Variants in RYR3 observed in about 807,000 individuals in gnomAD.
The protein encoded by RYR3 is brain ryanodine receptor-calcium release channel.
RYR3 carries 207 observed loss-of-function variants against 584.3 expected under a neutral mutation model. The observed-to-expected ratio is 0.35, with a 90% CI of 0.32 to 0.40. The LOEUF (loss-of-function observed/expected upper bound fraction) is 0.40, where lower values mean the gene tolerates loss of function less well. Among genes scored for constraint, RYR3 ranks in the 10% least tolerant of loss-of-function variants. The pLI, the probability that RYR3 is intolerant of heterozygous loss-of-function variation, is 1.00. For missense variants in RYR3, 5,616 were observed against 6,089.2 expected (o/e 0.92, Z 2.59); for synonymous variants, 2,416 against 2,248.5 (o/e 1.07, Z -2.11).
intron 57 of RYR3, among the ~76,000 whole-genome samples, chr15:33,754,590 C>T (rs756215721): frequency 2.6e-5 from 4 of 152,196 alleles, no homozygotes; most frequent in Non-Finnish European, 5.9e-5. Flanking sequence ...CTATTTAACA[C>T]TACAGTCTGC....
At chr15:33,691,742 G>A (rs892640826) in intron 38 of RYR3, among the ~76,000 whole-genome samples, 7 of 152,088 alleles carry the variant, frequency 4.6e-5, no homozygotes, top group African/African-American at 1.7e-4. Flanking sequence ...ATGTAAACTC[G>A]AGAGTTTATG....
In RYR3 at chr15:33,558,847, C is replaced by T. The variant is rs189649271; in HGVS notation, c.973-3990C>T. Among the ~76,000 whole-genome samples the T allele has an allele frequency of 5.3e-5, 8 of 152,282 alleles. No individual in the cohort carries two copies. The East Asian group carries it at 7.7e-4, about 15-fold the overall frequency. On this transcript the variant is annotated intron_variant, in intron 10 of 103. Transcript: ENST00000634891. The stretch of plus-strand genomic sequence containing the variant: ...TCACAGTTCCCAAGAGGAATGGACA[C>T]GCCATACCACACAGGGCCACATAGA...
At chr15:33,601,690 C>A in intron 17 of RYR3, 138 bp downstream of exon 17, 2 of 850,220 alleles carry the variant, frequency 2.4e-6, no homozygotes, top group South Asian at 1.7e-5. Context: ...AAGACAAGAC[C>A]AAGCAAATGT....
intron 102 of RYR3, 87 bp from the exon 103 acceptor site, chr15:33,864,051 C>G: frequency 1.0e-6 from 1 of 965,340 alleles, no homozygotes; most frequent in East Asian, 2.5e-5. Flanking sequence ...GACCAACTAG[C>G]CTTTCTGAGC....
chr15:33,823,620 G>T (rs766732856), intron 81 of RYR3, among the ~76,000 whole-genome samples: 1 of 152,108 alleles, frequency 6.6e-6, no homozygotes, highest in South Asian at 2.1e-4. Flanking sequence ...AAAAAACAAG[G>T]CTTTGAACTT....
chr15:33,740,180 A>T (rs2069938764), intron 51 of RYR3, among the ~76,000 whole-genome samples, 185 bp downstream of exon 51: 1 of 152,152 alleles, frequency 6.6e-6, no homozygotes, highest in South Asian at 2.1e-4. Context: ...GTATTATTAT[A>T]TTCTGGGTTT....
chr15:33,436,036 G>T (rs2045697412), intron 1 of RYR3, among the ~76,000 whole-genome samples: 1 of 152,158 alleles, frequency 6.6e-6, no homozygotes, highest in Non-Finnish European at 1.5e-5. Flanking sequence ...ACAAAGTGCT[G>T]ATTGGTGCAT....
intron 18 of RYR3, 86 bp from the exon 19 acceptor site, chr15:33,613,097 A>G (rs2060277639): frequency 2.1e-6 from 2 of 970,050 alleles, no homozygotes; most frequent in Non-Finnish European, 3.2e-6. Context: ...ACACCTCCCC[A>G]CCTCCCGCAG....
intron 1 of RYR3, among the ~76,000 whole-genome samples, chr15:33,385,006 A>G (rs1288705842): frequency 6.6e-6 from 1 of 152,154 alleles, no homozygotes; most frequent in African/African-American, 2.4e-5. Context: ...TTTCCCTTCC[A>G]CCCTTAGATG....
At chr15:33,419,513 A>G (rs1197257311) in intron 1 of RYR3, among the ~76,000 whole-genome samples, 1 of 152,030 alleles carries the variant, frequency 6.6e-6, no homozygotes, top group Non-Finnish European at 1.5e-5. Flanking sequence ...TCATTCATTT[A>G]TTTTTAATCT....
intron 43 of RYR3, among the ~76,000 whole-genome samples, chr15:33,709,865 G>A (rs2066975108): frequency 6.6e-6 from 1 of 152,198 alleles, no homozygotes; most frequent in Non-Finnish European, 1.5e-5. Flanking sequence ...TTAAAAGGTA[G>A]GTGGTTATAA....
intron 1 of RYR3, among the ~76,000 whole-genome samples, chr15:33,435,447 G>C (rs2045600100): frequency 6.6e-6 from 1 of 152,226 alleles, no homozygotes; most frequent in Non-Finnish European, 1.5e-5. Context: ...TGTATAGTTT[G>C]GGGCTCTGGA....
chr15:33,847,418 C>T (rs1013814927), intron 93 of RYR3, among the ~76,000 whole-genome samples: 1 of 152,216 alleles, frequency 6.6e-6, no homozygotes, highest in Non-Finnish European at 1.5e-5. Flanking sequence ...AGTGGCATCT[C>T]AGCTGGAGAT....
intron 1 of RYR3, among the ~76,000 whole-genome samples, chr15:33,467,001 C>T (rs1479121887): frequency 1.4e-5 from 2 of 146,972 alleles, no homozygotes; most frequent in Admixed American, 1.4e-4. Context: ...TGTGTGTAGT[C>T]TCGTCATTCC....
intron 1 of RYR3, among the ~76,000 whole-genome samples, chr15:33,331,934 G>T (rs1341034866): frequency 6.6e-6 from 1 of 151,916 alleles, no homozygotes; most frequent in Non-Finnish European, 1.5e-5. Flanking sequence ...AGAATTCTTA[G>T]ATCCTTTTAT....
At chr15:33,553,472 G>A (rs2056838194) in intron 10 of RYR3, among the ~76,000 whole-genome samples, 1 of 152,196 alleles carries the variant, frequency 6.6e-6, no homozygotes, top group Admixed American at 6.5e-5. Context: ...AGATGGAGGT[G>A]TGATTGAGCC....
intron 12 of RYR3, among the ~76,000 whole-genome samples, chr15:33,577,229 A>G (rs1465670738): frequency 6.6e-6 from 1 of 152,196 alleles, no homozygotes; most frequent in Non-Finnish European, 1.5e-5. Context: ...TTCCCATTAA[A>G]CTACCATTGA....
intron 1 of RYR3, among the ~76,000 whole-genome samples, chr15:33,385,464 C>G (rs894298325): frequency 1.3e-5 from 2 of 152,172 alleles, no homozygotes; most frequent in African/African-American, 2.4e-5. Flanking sequence ...ATAGCTACTT[C>G]TACTACTGCT....
intron 16 of RYR3, among the ~76,000 whole-genome samples, chr15:33,596,025 A>C (rs1373997517): frequency 6.6e-6 from 1 of 151,836 alleles, no homozygotes; most frequent in Non-Finnish European, 1.5e-5. Flanking sequence ...TAAATTTACC[A>C]TACAAGATTC....
Sources: allele counts gnomAD v4.1 joint callset (sites outside exome capture counted in the v4.1 genomes callset), GRCh38; gene constraint gnomAD v4.1.1; transcripts MANE v1.5; gene names NCBI Gene and HGNC (gene_info 2026-07-23, HGNC 2026-07-21).